ESR1: variants seen among roughly 807,000 people sequenced by gnomAD.
The protein encoded by ESR1 is estrogen receptor.
Under a neutral mutation model 52.7 loss-of-function variants are expected in ESR1, and 12 were observed. The ratio of observed to expected loss-of-function variants is 0.23; its 90% CI spans 0.15 to 0.37. The LOEUF is 0.37. Among genes scored for constraint, ESR1 ranks in the 10% least tolerant of loss-of-function variants. The pLI, the probability that ESR1 is intolerant of heterozygous loss-of-function variation, is 1.00. For missense variants in ESR1, 584 were observed against 779.7 expected (o/e 0.75, Z 2.99); for synonymous variants, 305 against 316.8 (o/e 0.96, Z 0.39).
chr6:151,823,097 A>G (rs745411389), intron 1 of ESR1, among the ~76,000 whole-genome samples: 7 of 152,256 alleles, frequency 4.6e-5, no homozygotes, highest in Admixed American at 1.3e-4. Flanking sequence ...TGTCCCATGC[A>G]ATATTATACT....
intron 6 of ESR1, among the ~76,000 whole-genome samples, chr6:152,120,007 G>A (rs2051268390): frequency 6.6e-6 from 1 of 152,204 alleles, no homozygotes; most frequent in Non-Finnish European, 1.5e-5. Flanking sequence ...GTTTCACAGG[G>A]TTTTGAGAAA....
At chr6:152,048,232 C>T (rs559732542) in intron 5 of ESR1, among the ~76,000 whole-genome samples, 8 of 151,734 alleles carry the variant, frequency 5.3e-5, no homozygotes, top group Admixed American at 1.3e-4. Flanking sequence ...TTTAGCCAGG[C>T]GTGGTGGCAT....
In ESR1 at chr6:151,718,441, A is replaced by G. The variant is rs1292963055; in HGVS notation, c.-71+16436A>G. 2.6e-5 allele frequency among the ~76,000 whole-genome samples: 4 copies of G among 152,318 alleles called. No homozygotes were observed. In the South Asian group the frequency reaches 6.2e-4, roughly 24 times the overall value. ...AAATAATGAATTATTTTTGGTGACC[A>G]AGGAGTTGGGCTTCTCATTTTAAAA... is the stretch of plus-strand genomic sequence containing the variant. On this transcript the variant is annotated intron_variant, in intron 2 of 2. Transcript: ENST00000404742.
intron 5 of ESR1, among the ~76,000 whole-genome samples, chr6:152,050,864 G>A (rs28572527): frequency 6.6e-6 from 1 of 152,224 alleles, no homozygotes; most frequent in African/African-American, 2.4e-5. Context: ...TCAATTGTCA[G>A]TCAGCTGTTT....
intron 4 of ESR1, among the ~76,000 whole-genome samples, chr6:151,997,783 G>A (rs541942358): frequency 6.6e-6 from 1 of 152,222 alleles, no homozygotes; most frequent in Non-Finnish European, 1.5e-5. Context: ...AAACTCCACT[G>A]GATGGAGTGG....
intron 5 of ESR1, among the ~76,000 whole-genome samples, chr6:152,012,896 C>T (rs1393735513): frequency 2.6e-5 from 4 of 152,214 alleles, no homozygotes; most frequent in Non-Finnish European, 5.9e-5. Context: ...TCTTTCTACA[C>T]CTGCCAAGTG....
intron 2 of ESR1, among the ~76,000 whole-genome samples, chr6:151,741,068 A>T (rs1414520112): frequency 6.6e-6 from 1 of 152,094 alleles, no homozygotes; most frequent in East Asian, 1.9e-4. Flanking sequence ...TCCGCTTCTT[A>T]CTGGGGTGTG....
intron 4 of ESR1, among the ~76,000 whole-genome samples, chr6:151,989,477 T>TA (rs2040817198): frequency 6.9e-6 from 1 of 144,052 alleles, no homozygotes; most frequent in African/African-American, 2.9e-5. Context: ...TCAAAAGTAT[T>TA]TAAAAAAATC....
At chr6:152,112,031 A>C (rs1022147959) in intron 6 of ESR1, among the ~76,000 whole-genome samples, 2 of 152,272 alleles carry the variant, frequency 1.3e-5, no homozygotes, top group African/African-American at 4.8e-5. Flanking sequence ...TGTATAAAGA[A>C]AAACATTAAG....
At chr6:151,975,635 A>T (rs1183424568) in intron 4 of ESR1, among the ~76,000 whole-genome samples, 1 of 152,162 alleles carries the variant, frequency 6.6e-6, no homozygotes, top group Non-Finnish European at 1.5e-5. Context: ...TTGCTCTTAA[A>T]GCTTTCAATT....
intron 4 of ESR1, among the ~76,000 whole-genome samples, chr6:152,008,627 A>G (rs1347752208): frequency 2.6e-5 from 4 of 152,052 alleles, no homozygotes; most frequent in Admixed American, 1.3e-4. Flanking sequence ...GATCGGTTAC[A>G]TGGTCAGCTG....
chr6:151,979,659 A>G (rs2039805528), intron 4 of ESR1, among the ~76,000 whole-genome samples: 1 of 152,224 alleles, frequency 6.6e-6, no homozygotes, highest in Admixed American at 6.5e-5. Flanking sequence ...GCAATTAAAA[A>G]TTAATTATCT....
chr6:151,672,359 C>T (rs578060515), intron 1 of ESR1, among the ~76,000 whole-genome samples: 12 of 148,616 alleles, frequency 8.1e-5, no homozygotes, highest in Admixed American at 6.7e-4. Flanking sequence ...TTTTTTGAGA[C>T]GGAGTCTTGC....
intron 5 of ESR1, among the ~76,000 whole-genome samples, chr6:152,039,104 G>A (rs777607618): frequency 3.9e-5 from 6 of 152,202 alleles, no homozygotes; most frequent in South Asian, 2.1e-4. Context: ...TCACATGGTC[G>A]TAGCTGTTAT....
intron 3 of ESR1, among the ~76,000 whole-genome samples, chr6:151,892,368 G>A (rs186027545): frequency 1.3e-5 from 2 of 152,100 alleles, no homozygotes; most frequent in African/African-American, 2.4e-5. Context: ...GAACAACTGC[G>A]GGCAACTGTA....
At chr6:152,073,197 G>GA (rs35396879) in intron 6 of ESR1, among the ~76,000 whole-genome samples, 31,210 of 152,104 alleles carry the variant, frequency 0.21, 4,416 homozygotes, top group African/African-American at 0.39. Context: ...GAAATATTAT[G>GA]AAATAGTAAT....
chr6:151,871,197 C>T (rs1449785308), intron 2 of ESR1, among the ~76,000 whole-genome samples: 2 of 151,566 alleles, frequency 1.3e-5, no homozygotes, highest in South Asian at 2.1e-4. Context: ...TCCATGAAAG[C>T]AGAAACCACT....
intron 2 of ESR1, among the ~76,000 whole-genome samples, chr6:151,865,488 G>T (rs746125103): frequency 2.5e-4 from 38 of 152,314 alleles, no homozygotes; most frequent in Non-Finnish European, 4.9e-4. Context: ...ATCGCATGGA[G>T]CTTGGGACTC....
chr6:151,691,324 T>C (rs1479166261), intron 1 of ESR1, among the ~76,000 whole-genome samples: 1 of 152,144 alleles, frequency 6.6e-6, no homozygotes, highest in East Asian at 1.9e-4. Context: ...CCACCACATA[T>C]AGCAGTGGGC....
Sources: allele counts gnomAD v4.1 joint callset (sites outside exome capture counted in the v4.1 genomes callset), GRCh38; gene constraint gnomAD v4.1.1; transcripts MANE v1.5; gene names NCBI Gene and HGNC (gene_info 2026-07-23, HGNC 2026-07-21).